The following UBE2E2 variants were observed in gnomAD, a reference collection of about 807,000 sequenced individuals.
UBE2E2 encodes the protein ubiquitin-conjugating enzyme E2 E2.
A neutral mutation model predicts 24.7 loss-of-function variants in UBE2E2; 6 were observed. The ratio of observed to expected loss-of-function variants is 0.24; its 90% CI spans 0.13 to 0.48. UBE2E2 has a LOEUF of 0.48. UBE2E2 is among the 20% of genes least tolerant of loss of function. The probability of loss-of-function intolerance (pLI) is 0.99; values close to 1 mark genes in which losing one functional copy is unlikely to be tolerated. For missense variants in UBE2E2, 169 were observed against 245.0 expected, an observed-to-expected ratio of 0.69 and a Z score of 2.07; for synonymous variants, 104 against 83.6, an observed-to-expected ratio of 1.24 and a Z score of -1.33.
chr3:23,439,699 A>G (rs1698258696), intron 3 of UBE2E2, among the ~76,000 whole-genome samples: 1 of 152,194 alleles, frequency 6.6e-6, no homozygotes, highest in South Asian at 2.1e-4. Context: ...GGAAAGATAG[A>G]TAACCTTTTA....
intron 5 of UBE2E2, among the ~76,000 whole-genome samples, chr3:23,584,351 C>T (rs1452314995): frequency 6.6e-6 from 1 of 151,948 alleles, no homozygotes; most frequent in East Asian, 1.9e-4. Flanking sequence ...CTACATCCAT[C>T]GATCCCTTTT....
intron 5 of UBE2E2, among the ~76,000 whole-genome samples, chr3:23,569,130 A>T (rs1320501202): frequency 6.6e-6 from 1 of 152,250 alleles, no homozygotes; most frequent in African/African-American, 2.4e-5. Flanking sequence ...TATTCATACA[A>T]TGGAAAATAA....
At chr3:23,434,729 A>C (rs1698145711) in intron 3 of UBE2E2, among the ~76,000 whole-genome samples, 3 of 152,218 alleles carry the variant, frequency 2.0e-5, no homozygotes. Context: ...GGTGTGTTTA[A>C]TAAGTAGCAC....
At chr3:23,240,640 T>C (rs1187796521) in intron 3 of UBE2E2, among the ~76,000 whole-genome samples, 3 of 152,174 alleles carry the variant, frequency 2.0e-5, no homozygotes, top group Non-Finnish European at 1.5e-5. Flanking sequence ...TCTGATAGGA[T>C]CTCTTGGCAT....
At chr3:23,509,701 A>G (rs1326721655) in intron 4 of UBE2E2, among the ~76,000 whole-genome samples, 3 of 151,002 alleles carry the variant, frequency 2.0e-5, no homozygotes, top group East Asian at 4.0e-4. Context: ...TACATTAGGT[A>G]TATCTCCGAA....
intron 3 of UBE2E2, among the ~76,000 whole-genome samples, chr3:23,448,959 T>C (rs182331081): frequency 9.6e-4 from 147 of 152,340 alleles, no homozygotes; most frequent in African/African-American, 3.3e-3. Context: ...CACAAACTTA[T>C]ATTTTCTGGT....
intron 4 of UBE2E2, among the ~76,000 whole-genome samples, chr3:23,528,336 C>G (rs980594557): frequency 1.2e-4 from 19 of 152,052 alleles, no homozygotes; most frequent in Non-Finnish European, 1.2e-4. Flanking sequence ...AGAATTCTGC[C>G]AAGCTACTGG....
rs568121829 is a variant in UBE2E2, at chr3:23,555,416, C to T, written c.508+22715C>T. 3.3e-5 allele frequency among the ~76,000 whole-genome samples: 5 copies of T among 152,246 alleles called. No individual in the cohort carries two copies. The East Asian group carries it at 9.7e-4, about 29-fold the overall frequency. ...GTGGAGAAAAGGGAAACCTCGTATA[C>T]TCTTAGTGGAAACATAGATTGGTAC... On this transcript the variant is annotated intron_variant, in intron 5 of 5. Transcript: ENST00000396703.
chr3:23,333,127 C>T (rs1340977954), intron 3 of UBE2E2, among the ~76,000 whole-genome samples: 1 of 152,114 alleles, frequency 6.6e-6, no homozygotes, highest in Non-Finnish European at 1.5e-5. Flanking sequence ...ATCTGAAATA[C>T]CTAATGCCCT....
intron 3 of UBE2E2, among the ~76,000 whole-genome samples, chr3:23,414,076 T>C (rs181832703): frequency 6.6e-6 from 1 of 152,312 alleles, no homozygotes; most frequent in Admixed American, 6.5e-5. Context: ...TGAAAGGGAA[T>C]AAACAGGACC....
At chr3:23,384,544 CTTAT>C (rs1056339688) in intron 3 of UBE2E2, among the ~76,000 whole-genome samples, 2 of 151,926 alleles carry the variant, frequency 1.3e-5, no homozygotes, top group Non-Finnish European at 2.9e-5. Flanking sequence ...AATTTTTATT[CTTAT>C]TTATTTATTT....
chr3:23,210,205 A>G (rs1173615073), intron 2 of UBE2E2, among the ~76,000 whole-genome samples: 1 of 152,114 alleles, frequency 6.6e-6, no homozygotes, highest in African/African-American at 2.4e-5. Flanking sequence ...TCAGGTACAG[A>G]TTGTAGTTCC....
At chr3:23,526,489 A>C (rs11916411) in intron 4 of UBE2E2, among the ~76,000 whole-genome samples, 100,975 of 152,056 alleles carry the variant, frequency 0.66, 35,222 homozygotes, top group African/African-American at 0.89. Flanking sequence ...TGGGCTCTTT[A>C]TGTATGCCAG....
chr3:23,305,067 T>C (rs1263609316), intron 3 of UBE2E2, among the ~76,000 whole-genome samples: 1 of 152,166 alleles, frequency 6.6e-6, no homozygotes. Flanking sequence ...AATCTTCAAG[T>C]CTTTATTGGT....
intron 4 of UBE2E2, among the ~76,000 whole-genome samples, chr3:23,511,946 A>T (rs1238077785): frequency 6.6e-6 from 1 of 152,190 alleles, no homozygotes; most frequent in African/African-American, 2.4e-5. Context: ...GCAATGGACT[A>T]AATGACTTTT....
rs1184712384 is a variant in UBE2E2 at position 23,474,032 on chromosome 3, A to G, written c.228-25576A>G. Among the ~76,000 whole-genome samples the G allele has an allele frequency of 6.6e-6, 1 of 152,038 alleles. No individual in the cohort carries two copies. Among genetic ancestry groups the G allele is most frequent in the Admixed American group, 6.5e-5 (1 of 15,272 alleles). ...ACATTCCCACCAGCAGTGTAGAAGTATTCCCTTTTCACCGCATCTATGCCA... is the reference window on the plus strand; with the variant it reads ...ACATTCCCACCAGCAGTGTAGAAGTGTTCCCTTTTCACCGCATCTATGCCA... On this transcript the variant is annotated intron_variant, in intron 3 of 5. Coordinates refer to ENST00000396703, the MANE Select transcript of UBE2E2 (RefSeq NM_152653.4). This position sits in a 1 kb window ranked among gnomAD's most constrained non-coding sequence, Gnocchi z 4.0.
chr3:23,473,866 C>A (rs142165191), intron 3 of UBE2E2, among the ~76,000 whole-genome samples: 2 of 152,044 alleles, frequency 1.3e-5, no homozygotes, highest in Non-Finnish European at 2.9e-5. Context: ...TATAAACATG[C>A]ATGTACAAGT....
At chr3:23,505,109 C>T (rs62255785) in intron 4 of UBE2E2, among the ~76,000 whole-genome samples, 25,816 of 144,330 alleles carry the variant, frequency 0.18, 2,358 homozygotes, top group Middle Eastern at 0.23. Flanking sequence ...TTTGTAGAGA[C>T]AGGGTTTTGC....
intron 3 of UBE2E2, among the ~76,000 whole-genome samples, chr3:23,302,704 C>G (rs1699131874): frequency 6.6e-6 from 1 of 152,210 alleles, no homozygotes; most frequent in South Asian, 2.1e-4. Flanking sequence ...TAAATTAGAT[C>G]TGTCAGTTAA....
Sources: gnomAD v4.1 joint callset for allele counts (sites outside exome capture counted in the v4.1 genomes callset) on GRCh38, gnomAD v4.1.1 for gene constraint, Gnocchi (gnomAD v3.1) non-coding constraint, MANE v1.5 for transcripts, NCBI Gene and HGNC (gene_info 2026-07-23, HGNC 2026-07-21) for gene names.